TTC39C: variants seen among roughly 807,000 people sequenced by gnomAD.
The protein encoded by TTC39C is tetratricopeptide repeat domain 39C.
In TTC39C, 33 loss-of-function variants were observed where a neutral mutation model predicts 76.3. The ratio of observed to expected loss-of-function variants is 0.43; its 90% confidence interval spans 0.33 to 0.58. TTC39C has a LOEUF of 0.58. TTC39C is among the 20% of genes least tolerant of loss of function. TTC39C has a pLI of 0.04. For missense variants in TTC39C, 595 were observed against 701.4 expected (o/e 0.85, Z 1.71); for synonymous variants, 254 against 260.6 (o/e 0.97, Z 0.24).
At chr18:24,066,697 G>T (rs1703992657) in intron 3 of TTC39C, among the ~76,000 whole-genome samples, 2 of 152,168 alleles carry the variant, frequency 1.3e-5, no homozygotes, top group South Asian at 2.1e-4. Flanking sequence ...CAGTCTGTTG[G>T]ATATAGTCAT....
chr18:24,110,592 C>T (rs1009511163), intron 6 of TTC39C, among the ~76,000 whole-genome samples: 3 of 152,190 alleles, frequency 2.0e-5, no homozygotes, highest in Admixed American at 6.5e-5. Context: ...CGGCAACACT[C>T]ACTTAGAGAA....
chr18:24,119,722 A>C (rs2145817508), intron 8 of TTC39C, among the ~76,000 whole-genome samples: 1 of 152,288 alleles, frequency 6.6e-6, no homozygotes, highest in East Asian at 1.9e-4. Flanking sequence ...TGTTGTATAG[A>C]ATTTGAAGAC....
chr18:24,030,648 C>CATTTTT (rs1481201965), intron 1 of TTC39C, among the ~76,000 whole-genome samples: 3 of 89,042 alleles, frequency 3.4e-5, no homozygotes, highest in African/African-American at 1.2e-4. Flanking sequence ...AAAGATAGGC[C>CATTTTT]TTTTTTTTTT....
rs762779148 is a variant in TTC39C, at chr18:24,128,918, G to A, written c.1453G>A (p.Gly485Arg). ...TGAAGTGGATGACTCATCTGTTGTTGGATTAAAGTATTTGCTTCTTGGTGC... is the reference window on the plus strand; with the variant it reads ...TGAAGTGGATGACTCATCTGTTGTTAGATTAAAGTATTTGCTTCTTGGTGC... ...CHEVDDSSVV[G>R]LKYLLLGAIH... The change falls in exon 11 of 14, where the codon GGA (glycine) becomes AGA (arginine). Residue 485 changes from glycine (G) to arginine (R), a missense_variant. Coordinates refer to ENST00000317571, the MANE Select transcript of TTC39C (RefSeq NM_001135993.2). 3 of 1,613,338 alleles carry A rather than the reference G, an allele frequency of 1.9e-6. No homozygotes were observed. The highest frequency in any genetic ancestry group is 2.5e-6 in the Non-Finnish European group (3 of 1,179,718).
intron 6 of TTC39C, among the ~76,000 whole-genome samples, chr18:24,107,800 C>G (rs2084763881): frequency 6.6e-6 from 1 of 151,878 alleles, no homozygotes; most frequent in African/African-American, 2.4e-5. Context: ...CTCTGCCACC[C>G]AGGCGGGAGT....
At chr18:24,125,279 T>C in intron 9 of TTC39C, 148 bp from the exon 10 acceptor site, 1 of 1,075,652 alleles carries the variant, frequency 9.3e-7, no homozygotes, top group Non-Finnish European at 1.3e-6. Flanking sequence ...CAACATTTTT[T>C]ATAGAGAGAA....
chr18:24,128,493 T>C (rs1222690572), intron 10 of TTC39C, among the ~76,000 whole-genome samples: 1 of 151,800 alleles, frequency 6.6e-6, no homozygotes, highest in Non-Finnish European at 1.5e-5. Flanking sequence ...TTATTAGTCT[T>C]TGGAAATAAT....
intron 4 of TTC39C, among the ~76,000 whole-genome samples, chr18:24,075,378 G>A (rs1378993075): frequency 6.6e-6 from 1 of 151,982 alleles, no homozygotes; most frequent in African/African-American, 2.4e-5. Flanking sequence ...ATCATCTTTT[G>A]TCCTTCAAAG....
intron 6 of TTC39C, among the ~76,000 whole-genome samples, chr18:24,106,567 G>C (rs1227813987): frequency 6.6e-6 from 1 of 152,200 alleles, no homozygotes; most frequent in Non-Finnish European, 1.5e-5. Flanking sequence ...TTGTGTTGGA[G>C]AGAGGGGGCC....
chr18:24,066,124 A>G lies in TTC39C; in HGVS notation c.329A>G (p.Asn110Ser). 6.3e-7 allele frequency: 1 copy of G among 1,597,968 alleles called. No homozygotes were observed. The highest frequency in any genetic ancestry group is 8.5e-7 in the Non-Finnish European group (1 of 1,176,256). ...GCTGGAGTAATTGAAACAATCAAGA[A>G]TAAAATTAAGAAGAACGTAAGTATT... ...EEAGVIETIKNKIKKNVDVRK... is the reference protein window; with the variant it reads ...EEAGVIETIKSKIKKNVDVRK... The change falls in exon 3 of 14, where the codon AAT (asparagine) becomes AGT (serine). Residue 110 changes from asparagine to serine, a missense_variant. By Grantham distance (46) the Asn-to-Ser change is conservative. Transcript: ENST00000317571.
At chr18:24,126,242 A>C (rs1294508012) in intron 10 of TTC39C, among the ~76,000 whole-genome samples, 1 of 152,150 alleles carries the variant, frequency 6.6e-6, no homozygotes, top group Non-Finnish European at 1.5e-5. Flanking sequence ...TATGTGCTGC[A>C]TTTTCCCAAG....
rs59478356 is a variant in TTC39C at position 24,024,669 on chromosome 18, T to C, written c.167+9631T>C. On this transcript the variant is annotated intron_variant, in intron 1 of 13. Transcript: ENST00000317571. Reference sequence around the variant, plus strand: ...ATAGGATGTGTGCTGACAGAGTGTCTCAGAAAACATATCTCCCATCGTTAA... The same window carrying C: ...ATAGGATGTGTGCTGACAGAGTGTCCCAGAAAACATATCTCCCATCGTTAA... 2.2e-3 allele frequency among the ~76,000 whole-genome samples: 331 copies of C among 152,288 alleles called. 2 individuals carry two copies. The highest frequency in any genetic ancestry group is 7.4e-3 in the African/African-American group (307 of 41,536).
chr18:24,123,195 T>G lies in TTC39C; in HGVS notation c.1187-639T>G, dbSNP rs537106886. Among the ~76,000 whole-genome samples the G allele has an allele frequency of 5.9e-5, 9 of 152,148 alleles. No individual in the cohort carries two copies. The East Asian group carries it at 1.6e-3, about 26-fold the overall frequency. ...GGGTTCCTATTTATTCCACTTTGAG[T>G]ATGTGAGCCCTAACTAGGTTGTACA... On this transcript the variant is annotated intron_variant, in intron 8 of 13. Coordinates refer to ENST00000317571, the MANE Select transcript of TTC39C (RefSeq NM_001135993.2).
chr18:24,134,804 G>A lies in TTC39C; in HGVS notation c.*2230G>A, dbSNP rs2085181319. ...ACATTCAAAGATTATATAAGGTCCT[G>A]TGCTTTTGAATCTTTTTCAAAACAT... On this transcript the variant is annotated 3_prime_UTR_variant, in exon 14 of 14. Transcript: ENST00000317571. 6.6e-6 allele frequency: 1 copy of A among 152,066 alleles called. No individual in the cohort carries two copies. Among genetic ancestry groups the A allele is most frequent in the South Asian group, 2.1e-4 (1 of 4,824 alleles). 9.4% of individuals were successfully genotyped at this position (152,066 alleles called of 1,614,324 possible).
At chr18:23,999,398 G>A (rs916019492) in intron 1 of TTC39C, among the ~76,000 whole-genome samples, 1 of 152,206 alleles carries the variant, frequency 6.6e-6, no homozygotes, top group African/African-American at 2.4e-5. Context: ...GCCATATGGA[G>A]CCACCACACT....
chr18:24,083,577 C>T (rs752433807), intron 6 of TTC39C, among the ~76,000 whole-genome samples: 1 of 152,146 alleles, frequency 6.6e-6, no homozygotes, highest in Admixed American at 6.5e-5. Context: ...ACTTTATACA[C>T]GCTTTTCCAT....
intron 1 of TTC39C, among the ~76,000 whole-genome samples, chr18:24,045,518 T>TA (rs1171101477): frequency 6.6e-6 from 1 of 152,146 alleles, no homozygotes; most frequent in Admixed American, 6.5e-5. Context: ...TATGATTAGT[T>TA]ATAGAATTGA....
chr18:24,060,954 T>C (rs1263953332), intron 1 of TTC39C, among the ~76,000 whole-genome samples: 1 of 152,202 alleles, frequency 6.6e-6, no homozygotes, highest in African/African-American at 2.4e-5. Flanking sequence ...TGGTATTATA[T>C]TACCAACTGG....
chr18:23,993,389 T>A (rs1267645016), intron 1 of TTC39C, among the ~76,000 whole-genome samples: 6 of 152,230 alleles, frequency 3.9e-5, no homozygotes, highest in Non-Finnish European at 7.3e-5. Context: ...AGAAAATATC[T>A]ACAATAACAA....
Sources: gnomAD v4.1 joint callset for allele counts (sites outside exome capture counted in the v4.1 genomes callset) on GRCh38, gnomAD v4.1.1 for gene constraint, MANE v1.5 for transcripts, NCBI Gene and HGNC (gene_info 2026-07-23, HGNC 2026-07-21) for gene names.